SLC9B2: variants seen among roughly 807,000 people sequenced by gnomAD.
SLC9B2 encodes sodium/hydrogen exchanger 9B2.
Under a neutral mutation model 52.2 loss-of-function variants are expected in SLC9B2, and 39 were observed. The observed-to-expected ratio is 0.75, with a 90% confidence interval of 0.58 to 0.98. SLC9B2 has a LOEUF of 0.98. Ranked by LOEUF, SLC9B2 falls within the 50% of genes least tolerant of loss-of-function variation. The pLI is 0.00. For synonymous variants in SLC9B2, 214 were observed against 227.0 expected, an observed-to-expected ratio of 0.94 and a Z score of 0.51; for missense variants, 626 against 637.5, an observed-to-expected ratio of 0.98 and a Z score of 0.19.
At chr4:103,046,829 C>T (rs116041400) in intron 7 of SLC9B2, among the ~76,000 whole-genome samples, 1,597 of 152,158 alleles carry the variant, frequency 0.01, 35 homozygotes, top group African/African-American at 0.036. Context: ...CCGCCCCTGC[C>T]GTACTGCACC....
In SLC9B2 at chr4:103,024,125, T is replaced by C. The variant is rs1421010739; in HGVS notation, c.*2245A>G. Among the ~76,000 whole-genome samples, 1 of 152,202 alleles carries C rather than the reference T, an allele frequency of 6.6e-6. No individual in the cohort carries two copies. The highest frequency in any genetic ancestry group is 1.5e-5 in the Non-Finnish European group (1 of 68,032). The stretch of plus-strand genomic sequence containing the variant: ...AGTTCCTGCATAATAGCACTTATCA[T>C]ATTGTTTTGCAATGTCTTGTTTAAC... On this transcript the variant is annotated 3_prime_UTR_variant, in exon 12 of 12. Transcript: ENST00000394785.
intron 3 of SLC9B2, chr4:103,065,276 C>T (rs530731069): frequency 1.3e-5 from 2 of 151,712 alleles, no homozygotes; most frequent in South Asian, 4.2e-4. Flanking sequence ...TTCAGTTAGA[C>T]AGGAGGAATA....
chr4:103,050,203 G>A (rs1238334655), intron 5 of SLC9B2, 37 bp downstream of exon 5: 1 of 1,516,222 alleles, frequency 6.6e-7, no homozygotes, highest in South Asian at 1.3e-5. Flanking sequence ...GAAGAAACAA[G>A]ATTCCTATTT....
In SLC9B2 at chr4:103,028,824, T is replaced by C. The variant is rs1375977145; in HGVS notation, c.1315A>G (p.Met439Val). The change falls in exon 11 of 12, where the codon ATG (methionine) becomes GTG (valine). Residue 439 changes from methionine (M) to valine (V), a missense_variant. Transcript: ENST00000394785. ...VLIRILTTFL[M>V]VCFAGFNLKE... ...AAGTTAAAACCAGCAAAACACACCA[T>C]CAGAAATGTAGTCAAAATTCGTATC... 6.2e-7 allele frequency: 1 copy of C among 1,609,442 alleles called. No individual in the cohort carries two copies. The highest frequency in any genetic ancestry group is 8.5e-7 in the Non-Finnish European group (1 of 1,178,560).
At chr4:103,038,164 G>A (rs1162069825) in intron 9 of SLC9B2, among the ~76,000 whole-genome samples, 2 of 152,042 alleles carry the variant, frequency 1.3e-5, no homozygotes, top group African/African-American at 2.4e-5. Flanking sequence ...CCCAGCCAAC[G>A]TAAGACTTTA....
At chr4:103,069,072 T>C (rs1746394819) in intron 1 of SLC9B2, among the ~76,000 whole-genome samples, 1 of 152,186 alleles carries the variant, frequency 6.6e-6, no homozygotes, top group Non-Finnish European at 1.5e-5. Flanking sequence ...GTTTATATAA[T>C]GATATATATG....
At chr4:103,026,809 C>G (rs1236029221) in intron 11 of SLC9B2, among the ~76,000 whole-genome samples, 1 of 151,990 alleles carries the variant, frequency 6.6e-6, no homozygotes, top group African/African-American at 2.4e-5. Flanking sequence ...GCACGTTGTG[C>G]ACATGTACCC....
At chr4:103,058,307 T>C (rs1745332800) in intron 3 of SLC9B2, among the ~76,000 whole-genome samples, 1 of 152,142 alleles carries the variant, frequency 6.6e-6, no homozygotes, top group African/African-American at 2.4e-5. Flanking sequence ...AATTAGACAT[T>C]ATTGTTACTT....
chr4:103,035,309 T>C (rs573070233), intron 9 of SLC9B2, among the ~76,000 whole-genome samples: 7 of 152,224 alleles, frequency 4.6e-5, no homozygotes, highest in Non-Finnish European at 8.8e-5. Flanking sequence ...GAAAAGGACA[T>C]GATCTTCTTT....
At chr4:103,039,490 A>G (rs1321251256) in intron 9 of SLC9B2, among the ~76,000 whole-genome samples, 2 of 152,148 alleles carry the variant, frequency 1.3e-5, no homozygotes, top group Non-Finnish European at 2.9e-5. Flanking sequence ...AAAGGAATCC[A>G]AACTCAGGAC....
intron 2 of SLC9B2, 80 bp from the exon 3 acceptor site, chr4:103,066,587 C>G (rs550402176): frequency 2.2e-6 from 3 of 1,335,098 alleles, no homozygotes; most frequent in African/African-American, 3.0e-5. Flanking sequence ...CATCACCTTA[C>G]AAATCAAATT....
At chr4:103,075,944 G>T (rs1747094870) in intron 1 of SLC9B2, among the ~76,000 whole-genome samples, 1 of 152,096 alleles carries the variant, frequency 6.6e-6, no homozygotes, top group Non-Finnish European at 1.5e-5. Context: ...AGCACCTCGA[G>T]GATGCTAACC....
intron 9 of SLC9B2, among the ~76,000 whole-genome samples, chr4:103,033,037 A>C (rs1184057679): frequency 6.6e-6 from 1 of 152,184 alleles, no homozygotes; most frequent in African/African-American, 2.4e-5. Flanking sequence ...AACTTTTCCT[A>C]TTCCAGTTAC....
intron 9 of SLC9B2, among the ~76,000 whole-genome samples, chr4:103,033,283 C>A (rs1742862087): frequency 6.6e-6 from 1 of 151,978 alleles, no homozygotes; most frequent in African/African-American, 2.4e-5. Flanking sequence ...TAGATCCTAA[C>A]AGAAAAATGG....
At chr4:103,053,150 T>C (rs992029366) in intron 4 of SLC9B2, among the ~76,000 whole-genome samples, 5 of 152,196 alleles carry the variant, frequency 3.3e-5, no homozygotes, top group Non-Finnish European at 7.3e-5. Flanking sequence ...TCAATAATGA[T>C]TTTTCTTCTC....
At chr4:103,072,056 G>GGTTTTTTTTT (rs1746686766) in intron 1 of SLC9B2, among the ~76,000 whole-genome samples, 1 of 95,304 alleles carries the variant, frequency 1.0e-5, no homozygotes, top group South Asian at 3.7e-4. Flanking sequence ...TGGCTTTCAT[G>GGTTTTTTTTT]TTTTTTTTTT....
downstream of SLC9B2, among the ~76,000 whole-genome samples, chr4:103,018,971 C>T (rs529952634): frequency 3.9e-5 from 6 of 152,262 alleles, no homozygotes; most frequent in South Asian, 8.3e-4. Context: ...ATCTAAATTG[C>T]GCCTTCTCAA....
intron 3 of SLC9B2, among the ~76,000 whole-genome samples, chr4:103,061,746 ACTT>A (rs1330426535): frequency 5.3e-4 from 80 of 152,246 alleles, no homozygotes; most frequent in African/African-American, 1.9e-3. Context: ...TGCTACTTAC[ACTT>A]TGGTTTTGGT....
intron 2 of SLC9B2, 97 bp from the exon 3 acceptor site, chr4:103,066,604 A>G (rs112660829): frequency 0.012 from 13,949 of 1,167,224 alleles, 126 homozygotes; most frequent in Non-Finnish European, 0.014. Context: ...AATTTCTATG[A>G]CTAGCATCAA....
Sources: allele counts gnomAD v4.1 joint callset (sites outside exome capture counted in the v4.1 genomes callset), GRCh38; gene constraint gnomAD v4.1.1; transcripts MANE v1.5; gene names NCBI Gene and HGNC (gene_info 2026-07-23, HGNC 2026-07-21).